Variants in GPR37 observed in about 807,000 individuals in gnomAD.
GPR37 encodes prosaposin receptor GPR37.
A neutral mutation model predicts 43.6 loss-of-function variants in GPR37; 20 were observed. That is an observed-to-expected ratio of 0.46 (90% CI 0.32 to 0.67). The LOEUF is 0.67. Ranked by LOEUF, GPR37 falls within the 30% of genes least tolerant of loss-of-function variation. The probability of loss-of-function intolerance (pLI) is 0.03; values close to 1 mark genes in which losing one functional copy is unlikely to be tolerated. For missense variants in GPR37, 724 were observed against 797.2 expected (o/e 0.91, Z 1.11); for synonymous variants, 315 against 322.6 (o/e 0.98, Z 0.25).
At chr7:124,756,021 T>A (rs2116320091) in intron 1 of GPR37, among the ~76,000 whole-genome samples, 1 of 152,352 alleles carries the variant, frequency 6.6e-6, no homozygotes, top group Non-Finnish European at 1.5e-5. Context: ...GGACAGAATT[T>A]ATCTGCTTTT....
chr7:124,753,245 CATAAA>C (rs1159646140), intron 1 of GPR37, among the ~76,000 whole-genome samples: 1 of 151,962 alleles, frequency 6.6e-6, no homozygotes, highest in Non-Finnish European at 1.5e-5. Context: ...TTAAAACACT[CATAAA>C]ATAATTTTAT....
rs759342244 is a variant in GPR37 at position 124,764,952 on chromosome 7, C to A, written c.25G>T (p.Ala9Ser). The change falls in exon 1 of 2, where the codon GCC becomes TCC. Residue 9 changes from alanine (A) to serine (S), a missense_variant. Ala to Ser is a moderately conservative substitution (Grantham distance 99). This residue lies in a region of GPR37 where 382 missense variants were observed against 355.4 expected (regional missense o/e 1.07). Coordinates refer to ENST00000303921, the MANE Select transcript of GPR37 (RefSeq NM_005302.5). This position sits in a 1 kb window ranked among gnomAD's most constrained non-coding sequence, Gnocchi z 5.4. The stretch of plus-strand genomic sequence containing the variant: ...AGAAGCAGTAGCCGCGACATGCGGG[C>A]GAGAAGCGCGCCCGGGGCTCGCATG... MRAPGALL[A>S]RMSRLLLLLL... 3 of 1,505,686 alleles carry A rather than the reference C, an allele frequency of 2.0e-6. No homozygotes were observed. Among genetic ancestry groups the A allele is most frequent in the Non-Finnish European group, 2.7e-6 (3 of 1,130,620 alleles). 93.3% of individuals were successfully genotyped at this position (1,505,686 alleles called of 1,614,324 possible).
intron 1 of GPR37, among the ~76,000 whole-genome samples, chr7:124,756,431 C>T (rs941719467): frequency 6.6e-6 from 1 of 152,140 alleles, no homozygotes; most frequent in Non-Finnish European, 1.5e-5. Context: ...AAGAACAAGA[C>T]TGACACAGTG....
In GPR37 at chr7:124,743,895, TAA is replaced by T. The variant is rs1279274562; in HGVS notation, c.*2628_*2629del. 7.4e-5 allele frequency: 11 copies of T among 148,250 alleles called. No homozygotes were observed. Among genetic ancestry groups the T allele is most frequent in the Admixed American group, 2.0e-4 (3 of 14,800 alleles). 9.2% of individuals were successfully genotyped at this position (148,250 alleles called of 1,614,324 possible). A position where few individuals can be genotyped will look rare whatever the true frequency, so the allele number is the denominator to read the frequency against. On this transcript the variant is annotated 3_prime_UTR_variant, in exon 2 of 2. Coordinates refer to ENST00000303921, the MANE Select transcript of GPR37 (RefSeq NM_005302.5). ...TTTTTTTGTTGTTTAACGAGGAGCG[TAA>T]GACATTGGATAAGATCCAGACTGAA... is the stretch of plus-strand genomic sequence containing the variant.
In GPR37 at chr7:124,764,896, G is replaced by A; in HGVS notation, c.81C>T (p.Ala27=). The change falls in exon 1 of 2, where the codon GCC becomes GCT. Residue 27 remains alanine (A), a synonymous_variant. Transcript: ENST00000303921. The surrounding 1 kb of genome is among the most constrained non-coding windows in gnomAD (Gnocchi z 5.4). ...TTCTGGACGCAGGGGCGACCCCGAG[G>A]GCAGAAGAGGCAGACACCTTGAGCA... The part of the protein sequence containing the change: ...LLLLKVSASS[A]LGVAPASRNE... 22 of 1,601,980 alleles carry A rather than the reference G, an allele frequency of 1.4e-5. No individual in the cohort carries two copies. Among genetic ancestry groups the A allele is most frequent in the Non-Finnish European group, 1.9e-5 (22 of 1,174,968 alleles).
chr7:124,759,303 G>A (rs559383518), intron 1 of GPR37, among the ~76,000 whole-genome samples: 16 of 152,206 alleles, frequency 1.1e-4, no homozygotes, highest in African/African-American at 3.1e-4. Context: ...CTGGGCTTAA[G>A]CAATCTGCCT....
chr7:124,763,720 G>C (rs907320530), intron 1 of GPR37, among the ~76,000 whole-genome samples: 1 of 152,128 alleles, frequency 6.6e-6, no homozygotes, highest in Non-Finnish European at 1.5e-5. Context: ...TGTATATTGT[G>C]AGATCATCCT....
intron 1 of GPR37, among the ~76,000 whole-genome samples, chr7:124,758,503 A>G (rs1345586160): frequency 6.6e-6 from 1 of 152,200 alleles, no homozygotes; most frequent in Admixed American, 6.5e-5. Context: ...ATGCCATGAT[A>G]AATGTTCTAT....
At chr7:124,763,928 G>C (rs574970481) in intron 1 of GPR37, 26 bp downstream of exon 1, 1 of 1,605,606 alleles carries the variant, frequency 6.2e-7, no homozygotes. Flanking sequence ...AAAGCCACTA[G>C]CTTGAGAGCC....
rs189377725 is a variant in GPR37, at chr7:124,750,746, T to C, written c.1024-3403A>G. ...TGTTAGATTACCAACTCCTTAGATA[T>C]CAGAAGCTGTGCTGCACATCCGCTC... On this transcript the variant is annotated intron_variant, in intron 1 of 1. Coordinates refer to ENST00000303921, the MANE Select transcript of GPR37 (RefSeq NM_005302.5). 1.9e-4 allele frequency among the ~76,000 whole-genome samples: 29 copies of C among 152,256 alleles called. 1 individual carries two copies. The East Asian group carries it at 5.2e-3, about 27-fold the overall frequency.
intron 1 of GPR37, among the ~76,000 whole-genome samples, chr7:124,757,021 C>T (rs1162067756): frequency 2.0e-5 from 3 of 152,064 alleles, no homozygotes; most frequent in African/African-American, 7.2e-5. Flanking sequence ...GGCAGGATAC[C>T]TTGGGAGCCC....
At chr7:124,754,238 T>G (rs2116317399) in intron 1 of GPR37, among the ~76,000 whole-genome samples, 1 of 152,278 alleles carries the variant, frequency 6.6e-6, no homozygotes, top group South Asian at 2.1e-4. Context: ...AGCCACTTTG[T>G]GCTACATTAA....
At position 124,745,443 on chromosome 7, in the gene GPR37, T is replaced by A. The variant is rs1284918932; in HGVS notation, c.*1082A>T. Among the ~76,000 whole-genome samples, 1 of 152,196 alleles carries A rather than the reference T, an allele frequency of 6.6e-6. No individual in the cohort carries two copies. Among genetic ancestry groups the A allele is most frequent in the Non-Finnish European group, 1.5e-5 (1 of 68,036 alleles). On this transcript the variant is annotated 3_prime_UTR_variant, in exon 2 of 2. Transcript: ENST00000303921. Reference sequence around the variant, plus strand: ...CCCAATGGAGGAGGTTAGGTTTTTTTATTCAGAGTTTATGAAGTATCAAGT... The same window carrying A: ...CCCAATGGAGGAGGTTAGGTTTTTTAATTCAGAGTTTATGAAGTATCAAGT...
intron 1 of GPR37, among the ~76,000 whole-genome samples, chr7:124,749,698 T>C (rs1053558241): frequency 6.6e-6 from 1 of 151,934 alleles, no homozygotes; most frequent in South Asian, 2.1e-4. Flanking sequence ...ACTACTCTCA[T>C]AACTAGTAGT....
At chr7:124,747,473 C>A in intron 1 of GPR37, 130 bp from the exon 2 acceptor site, 3 of 634,550 alleles carry the variant, frequency 4.7e-6, no homozygotes, top group Non-Finnish European at 8.1e-6. Flanking sequence ...AGAGAGAGAA[C>A]AGTTTTCCAG....
intron 1 of GPR37, among the ~76,000 whole-genome samples, chr7:124,752,703 C>T (rs7807266): frequency 0.13 from 19,415 of 152,130 alleles, 1,699 homozygotes; most frequent in African/African-American, 0.25. Flanking sequence ...TGATGTATAG[C>T]TGCATTTCAA....
At chr7:124,755,672 G>A (rs544939601) in intron 1 of GPR37, among the ~76,000 whole-genome samples, 1 of 152,232 alleles carries the variant, frequency 6.6e-6, no homozygotes, top group East Asian at 1.9e-4. Flanking sequence ...GCAACATTTT[G>A]TCTTAAGATA....
In GPR37 at chr7:124,764,328, G is replaced by A; in HGVS notation, c.649C>T (p.Arg217Trp). 1 of 1,611,478 alleles carries A rather than the reference G, an allele frequency of 6.2e-7. No homozygotes were observed. Among genetic ancestry groups the A allele is most frequent in the Non-Finnish European group, 8.5e-7 (1 of 1,178,866 alleles). Residue 217 changes from arginine (R) to tryptophan (W), a missense_variant, in exon 1 of 2, where the codon CGG becomes TGG. By Grantham distance (101) the Arg-to-Trp change is moderately radical. This residue lies in a region of GPR37 where 382 missense variants were observed against 355.4 expected (regional missense o/e 1.07). Coordinates refer to ENST00000303921, the MANE Select transcript of GPR37 (RefSeq NM_005302.5). This position sits in a 1 kb window ranked among gnomAD's most constrained non-coding sequence, Gnocchi z 5.4. ...HEGWTIALPG[R>W]ALAQNGSLGE... Reference sequence around the variant, plus strand: ...AAGGATCCATTCTGGGCCAGCGCCCGGCCCGGGAGTGCAATTGTCCACCCT... The same window carrying A: ...AAGGATCCATTCTGGGCCAGCGCCCAGCCCGGGAGTGCAATTGTCCACCCT...
At chr7:124,747,387 A>C (rs756505700) in intron 1 of GPR37, 44 bp from the exon 2 acceptor site, 1 of 1,301,660 alleles carries the variant, frequency 7.7e-7, no homozygotes, top group South Asian at 1.4e-5. Context: ...TGTCCCCCGA[A>C]AGATCAAAGC....
Sources: allele counts gnomAD v4.1 joint callset (sites outside exome capture counted in the v4.1 genomes callset), GRCh38; gene constraint gnomAD v4.1.1; regional missense constraint gnomAD v4.1.1; non-coding constraint Gnocchi (gnomAD v3.1); transcripts MANE v1.5; gene names NCBI Gene and HGNC (gene_info 2026-07-23, HGNC 2026-07-21).